Variants in MAP4K4 observed in about 807,000 individuals in gnomAD.
MAP4K4 encodes HPK/GCK-like kinase HGK.
In MAP4K4, 38 loss-of-function variants were observed where a neutral mutation model predicts 189.6. That is an observed-to-expected ratio of 0.20 (90% CI 0.15 to 0.26). The LOEUF (loss-of-function observed/expected upper bound fraction) is 0.26. MAP4K4 is among the 10% of genes least tolerant of loss of function. The probability of loss-of-function intolerance (pLI) is 1.00; values close to 1 mark genes in which losing one functional copy is unlikely to be tolerated. For synonymous variants in MAP4K4, 610 were observed against 624.3 expected (o/e 0.98, Z 0.34); for missense variants, 1,054 against 1,726.9 (o/e 0.61, Z 6.91).
chr2:101,822,547 CT>C (rs1234872946), intron 3 of MAP4K4, among the ~76,000 whole-genome samples: 3 of 152,216 alleles, frequency 2.0e-5, no homozygotes, highest in African/African-American at 7.2e-5. Context: ...TTTTTCCCAT[CT>C]GATCTTATCA....
intron 3 of MAP4K4, among the ~76,000 whole-genome samples, chr2:101,798,270 A>G (rs1010212236): frequency 3.3e-5 from 5 of 152,096 alleles, no homozygotes; most frequent in South Asian, 4.1e-4. Flanking sequence ...ATCTGTATAT[A>G]ACTATATATG....
chr2:101,792,923 C>CG (rs1409530384), intron 3 of MAP4K4, among the ~76,000 whole-genome samples: 10 of 152,148 alleles, frequency 6.6e-5, no homozygotes, highest in African/African-American at 2.4e-4. Context: ...TGTGAGCCAC[C>CG]GCGTCTGGCC....
At position 101,859,744 on chromosome 2, in the gene MAP4K4, T is replaced by C. The variant is rs943098684; in HGVS notation, c.1584T>C (p.His528=). 7 of 1,611,720 alleles carry C rather than the reference T, an allele frequency of 4.3e-6. No individual in the cohort carries two copies. In the East Asian group the frequency reaches 8.9e-5, roughly 21 times the overall value. The change falls in exon 15 of 33, where the codon CAT becomes CAC. Residue 528 remains histidine (H), a synonymous_variant. Coordinates refer to ENST00000324219, the Ensembl canonical transcript of MAP4K4. ...ATCTCCTGTCTCTACAGCATGACCA[T>C]AGGAGGCCGCACCCGCAGCACTCGC...
At chr2:101,789,923 G>T (rs528499654) in intron 2 of MAP4K4, among the ~76,000 whole-genome samples, 23 of 152,206 alleles carry the variant, frequency 1.5e-4, no homozygotes, top group African/African-American at 5.1e-4. Flanking sequence ...TAGGATTTTA[G>T]ATTCCAGGTG....
chr2:101,840,108 C>T, intron 10 of MAP4K4, 114 bp downstream of exon 10: 1 of 1,002,798 alleles, frequency 1.0e-6, no homozygotes, highest in Non-Finnish European at 1.4e-6. Flanking sequence ...CCAGTGCTTG[C>T]ATGGTTTCTC....
exon 13 of MAP4K4, chr2:101,856,063 G>A: frequency 6.4e-7 from 1 of 1,551,790 alleles, no homozygotes; most frequent in Non-Finnish European, 8.7e-7. Context: ...GTCTAGAGGA[G>A]TTGGAGAGAA....
chr2:101,818,252 A>C lies in MAP4K4; in HGVS notation c.181-5676A>C, dbSNP rs1262508954. ...CTGTTTTTTAAAAACAGATATTTTC[A>C]TTCTAAATGTATATTCATTTGTACA... is the stretch of plus-strand genomic sequence containing the variant. On this transcript the variant is annotated intron_variant, in intron 3 of 32. Coordinates refer to ENST00000324219, the Ensembl canonical transcript of MAP4K4. Among the ~76,000 whole-genome samples, 3 of 152,192 alleles carry C rather than the reference A, an allele frequency of 2.0e-5. No individual in the cohort carries two copies. In the South Asian group the frequency reaches 6.2e-4, roughly 32 times the overall value.
chr2:101,710,335 C>T (rs2044711574), intron 2 of MAP4K4, among the ~76,000 whole-genome samples: 1 of 152,192 alleles, frequency 6.6e-6, no homozygotes, highest in South Asian at 2.1e-4. Context: ...CTCATTTATT[C>T]TTGTTGCCTT....
intron 12 of MAP4K4, among the ~76,000 whole-genome samples, chr2:101,851,348 G>A (rs2097276274): frequency 6.6e-6 from 1 of 152,110 alleles, no homozygotes; most frequent in African/African-American, 2.4e-5. Context: ...ATTGTATCAT[G>A]TTTATCATTC....
chr2:101,750,696 A>T (rs1345101938), intron 2 of MAP4K4, among the ~76,000 whole-genome samples: 3 of 151,932 alleles, frequency 2.0e-5, no homozygotes, highest in Non-Finnish European at 2.9e-5. Context: ...GTGGTGGTGC[A>T]GGCCTGTAAT....
chr2:101,802,890 A>C (rs556567067), intron 3 of MAP4K4, among the ~76,000 whole-genome samples: 3 of 151,978 alleles, frequency 2.0e-5, no homozygotes, highest in Admixed American at 2.0e-4. Flanking sequence ...GGTTCAAGTG[A>C]TTCTTCAGCC....
chr2:101,739,803 A>G (rs967649677), intron 2 of MAP4K4, among the ~76,000 whole-genome samples: 2 of 152,326 alleles, frequency 1.3e-5, no homozygotes, highest in African/African-American at 4.8e-5. Context: ...GTAGTCAGCT[A>G]TAGAGGTATT....
chr2:101,758,238 G>T (rs970446673), intron 2 of MAP4K4, among the ~76,000 whole-genome samples: 1 of 152,168 alleles, frequency 6.6e-6, no homozygotes, highest in African/African-American at 2.4e-5. Context: ...ATTCTTGGAA[G>T]ATGACAGAGC....
chr2:101,797,438 C>A lies in MAP4K4; in HGVS notation c.180+6662C>A, dbSNP rs117967861. Reference sequence around the variant, plus strand: ...GTCTGTATCCCCCTCCTGCACCGCCCCCTCCCTCCTTATCTTCTTATCTTC... The same window carrying A: ...GTCTGTATCCCCCTCCTGCACCGCCACCTCCCTCCTTATCTTCTTATCTTC... On this transcript the variant is annotated intron_variant, in intron 3 of 32. Coordinates refer to ENST00000324219, the Ensembl canonical transcript of MAP4K4. 3.2e-4 allele frequency: 399 copies of A among 1,261,524 alleles called. 3 individuals are homozygous for A. The East Asian group carries it at 0.018, about 56-fold the overall frequency. 78.1% of individuals were successfully genotyped at this position (1,261,524 alleles called of 1,614,324 possible).
At chr2:101,878,649 T>C (rs1336059815) in intron 27 of MAP4K4, among the ~76,000 whole-genome samples, 1 of 152,222 alleles carries the variant, frequency 6.6e-6, no homozygotes, top group Non-Finnish European at 1.5e-5. Flanking sequence ...CCATGTTGCA[T>C]AGATCATAAT....
At chr2:101,794,866 GT>G (rs2093500956) in intron 3 of MAP4K4, among the ~76,000 whole-genome samples, 1 of 152,074 alleles carries the variant, frequency 6.6e-6, no homozygotes, top group African/African-American at 2.4e-5. Context: ...TAGCCAGATT[GT>G]TTTGTAAAGT....
chr2:101,783,057 G>A (rs1208065940), intron 2 of MAP4K4, among the ~76,000 whole-genome samples: 2 of 152,076 alleles, frequency 1.3e-5, no homozygotes, highest in Non-Finnish European at 2.9e-5. Flanking sequence ...AAGAAAATTC[G>A]GAAAGGGGAG....
rs2097773221 is a variant in MAP4K4, at chr2:101,865,044, A to G, written c.2204+8A>G. The G allele has an allele frequency of 6.6e-7, 1 of 1,519,720 alleles. No individual in the cohort carries two copies. The allele number at this position is 1,519,720 out of a possible 1,614,324, so 94.1% of individuals were successfully genotyped here. On this transcript the variant is annotated splice_region_variant and intron_variant, in intron 18 of 32. Coordinates refer to ENST00000324219, the Ensembl canonical transcript of MAP4K4. ...ACAGAGAAACTCCACCAGGTAAAAG[A>G]CAAGTGAGCACTGAGAACAGGCCTT...
intron 2 of MAP4K4, among the ~76,000 whole-genome samples, chr2:101,762,158 G>C (rs1248638380): frequency 6.6e-6 from 1 of 152,182 alleles, no homozygotes; most frequent in Admixed American, 6.5e-5. Flanking sequence ...TTCAGTAGGT[G>C]GTGTTTCTGT....
Sources: gnomAD v4.1 joint callset for allele counts (sites outside exome capture counted in the v4.1 genomes callset) on GRCh38, gnomAD v4.1.1 for gene constraint, MANE v1.5 for transcripts, NCBI Gene and HGNC (gene_info 2026-07-23, HGNC 2026-07-21) for gene names.